SEPTIN12: variants seen among roughly 807,000 people sequenced by gnomAD.
SEPTIN12 encodes the protein septin-12.
SEPTIN12 carries 42 observed loss-of-function variants against 37.7 expected under a neutral mutation model. The ratio of observed to expected loss-of-function variants is 1.11; its 90% CI spans 0.87 to 1.44. The LOEUF (loss-of-function observed/expected upper bound fraction) is 1.44. Ranked by LOEUF, SEPTIN12 falls within the 40% of genes most tolerant of loss-of-function variation. The pLI is 0.00. For missense variants in SEPTIN12, 613 were observed against 479.2 expected (o/e 1.28, Z -2.61); for synonymous variants, 254 against 196.7 (o/e 1.29, Z -2.44).
Position 4,786,015 on chromosome 16 carries a change from G to T in SEPTIN12, c.257C>A (p.Thr86Lys), listed in dbSNP as rs1397104382. 1.2e-6 allele frequency: 2 copies of T among 1,613,742 alleles called. No individual in the cohort carries two copies. The highest frequency in any genetic ancestry group is 2.7e-5 in the African/African-American group (2 of 74,876). Residue 86 changes from threonine (T) to lysine (K), a missense_variant, in exon 3 of 10, where the codon ACA becomes AAA. Thr to Lys is a moderately conservative substitution (Grantham distance 78). Transcript: ENST00000268231. Reference protein sequence around the residue: ...KSNPPGLGVPTPQTLQLHSLT... With the variant: ...KSNPPGLGVPKPQTLQLHSLT... The stretch of plus-strand genomic sequence containing the variant: ...TGAATGCAGCTGCAGCGTCTGGGGT[G>T]TGGGCACCCCCAAGCCCGGTGGGTT...
chr16:4,786,025 C>A lies in SEPTIN12; in HGVS notation c.247G>T (p.Gly83Trp). The stretch of plus-strand genomic sequence containing the variant: ...TGCAGCGTCTGGGGTGTGGGCACCC[C>A]CAAGCCCGGTGGGTTTGACTTCCAC... ...KVWKSNPPGL[G>W]VPTPQTLQLH... The change falls in exon 3 of 10, where the codon GGG (glycine) becomes TGG (tryptophan). Residue 83 changes from glycine (G) to tryptophan (W), a missense_variant. Transcript: ENST00000268231. The A allele has an allele frequency of 6.2e-7, 1 of 1,613,868 alleles. No homozygotes were observed. The highest frequency in any genetic ancestry group is 8.5e-7 in the Non-Finnish European group (1 of 1,179,934).
At chr16:4,787,888 C>T (rs565667715) in intron 1 of SEPTIN12, 56 of 504,752 alleles carry the variant, frequency 1.1e-4, no homozygotes, top group Middle Eastern at 5.4e-4. Context: ...AGAGAGGCTC[C>T]GCTGCCCAAG....
In SEPTIN12 at chr16:4,780,796, T is replaced by G. The variant is rs570544738; in HGVS notation, c.727-1010A>C. ...GACTTCAAGACCAGCCTGGTCAACA[T>G]GGTGAAACCCTGTCTCTAGGAAAAA... On this transcript the variant is annotated intron_variant, in intron 7 of 9. Transcript: ENST00000268231. Among the ~76,000 whole-genome samples, 50 of 152,286 alleles carry G rather than the reference T, an allele frequency of 3.3e-4. 2 individuals are homozygous for G. In the South Asian group the frequency reaches 5.4e-3, roughly 16 times the overall value.
chr16:4,779,160 A>T (rs1300954582), intron 8 of SEPTIN12, among the ~76,000 whole-genome samples: 2 of 152,112 alleles, frequency 1.3e-5, no homozygotes, highest in Non-Finnish European at 2.9e-5. Context: ...ATAAAAAATA[A>T]TAATAATACA....
At chr16:4,787,845 A>G (rs2082484419) in intron 1 of SEPTIN12, 178 bp from the exon 2 acceptor site, 2 of 575,958 alleles carry the variant, frequency 3.5e-6, no homozygotes, top group Non-Finnish European at 3.1e-6. Flanking sequence ...GCCTGTGGGG[A>G]GCTGTTTCTG....
At chr16:4,782,075 C>T (rs989563619) in intron 7 of SEPTIN12, among the ~76,000 whole-genome samples, 9 of 150,526 alleles carry the variant, frequency 6.0e-5, no homozygotes, top group African/African-American at 2.2e-4. Flanking sequence ...CTCAGTCTCC[C>T]CAGTAGCTGG....
At chr16:4,780,583 G>C (rs1248149477) in intron 7 of SEPTIN12, among the ~76,000 whole-genome samples, 2 of 152,182 alleles carry the variant, frequency 1.3e-5, no homozygotes, top group Admixed American at 1.3e-4. Context: ...AACTCCAGTT[G>C]TTTACTTGCT....
chr16:4,786,199 G>T, intron 2 of SEPTIN12, 94 bp from the exon 3 acceptor site: 2 of 1,446,778 alleles, frequency 1.4e-6, no homozygotes, highest in Non-Finnish European at 1.9e-6. Context: ...TTGGAGACAG[G>T]TTCTCACTCT....
At chr16:4,788,393 A>G (rs1158432063), upstream of SEPTIN12, 2 of 152,772 alleles carry the variant, frequency 1.3e-5, no homozygotes, top group Non-Finnish European at 2.9e-5. Context: ...TCTGAGCTCC[A>G]TCTGCACTTG....
At chr16:4,781,606 C>T (rs2082372162) in intron 7 of SEPTIN12, among the ~76,000 whole-genome samples, 1 of 151,840 alleles carries the variant, frequency 6.6e-6, no homozygotes. Context: ...CAAGGTTCCC[C>T]CACGCTGTAG....
rs371733453 is a variant in SEPTIN12, at chr16:4,783,445, G to A, written c.726+17C>T. The A allele has an allele frequency of 6.0e-5, 96 of 1,600,280 alleles. No individual in the cohort carries two copies. Among genetic ancestry groups the A allele is most frequent in the South Asian group, 4.6e-4 (42 of 90,734 alleles). On this transcript the variant is annotated intron_variant, in intron 7 of 9. Coordinates refer to ENST00000268231, the MANE Select transcript of SEPTIN12 (RefSeq NM_144605.5). ...AAGGAAATCACCTCGCCCGCCTCCCGCCCCACAGCCTCTCACCCGTAACTT... is the reference window on the plus strand; with the variant it reads ...AAGGAAATCACCTCGCCCGCCTCCCACCCCACAGCCTCTCACCCGTAACTT...
intron 7 of SEPTIN12, among the ~76,000 whole-genome samples, chr16:4,781,818 A>AT (rs1398329751): frequency 6.7e-6 from 1 of 149,610 alleles, no homozygotes; most frequent in Non-Finnish European, 1.5e-5. Context: ...CTAATTTTGT[A>AT]TTTTTAGGAG....
At chr16:4,780,674 G>C (rs1210905226) in intron 7 of SEPTIN12, among the ~76,000 whole-genome samples, 5 of 152,132 alleles carry the variant, frequency 3.3e-5, no homozygotes, top group African/African-American at 9.7e-5. Context: ...ATCTGTGATG[G>C]GGAGTAATGT....
intron 7 of SEPTIN12, among the ~76,000 whole-genome samples, chr16:4,781,942 C>CCTTTTT (rs1567561341): frequency 1.3e-5 from 1 of 74,754 alleles, no homozygotes; most frequent in Non-Finnish European, 2.6e-5. Context: ...CCGTGCCCGG[C>CCTTTTT]CTTTTTTTTT....
rs376466691 is a variant in SEPTIN12, at chr16:4,782,151, T to C, written c.726+1311A>G. On this transcript the variant is annotated intron_variant, in intron 7 of 9. Transcript: ENST00000268231. ...TTTTAGTAGAGACAGAGTTTCACCA[T>C]GTTAGCCAGGCTGGTCTCGAACCCC... Among the ~76,000 whole-genome samples the C allele has an allele frequency of 3.3e-5, 5 of 151,688 alleles. No homozygotes were observed. The East Asian group carries it at 5.8e-4, about 18-fold the overall frequency.
At chr16:4,787,439 A>G (rs1268436193) in intron 2 of SEPTIN12, 41 bp downstream of exon 2, 3 of 1,594,400 alleles carry the variant, frequency 1.9e-6, no homozygotes, top group Non-Finnish European at 2.6e-6. Context: ...CACGCGTAGC[A>G]CTGTGGGTCT....
At chr16:4,786,812 A>C (rs571419621) in intron 2 of SEPTIN12, among the ~76,000 whole-genome samples, 1 of 152,008 alleles carries the variant, frequency 6.6e-6, no homozygotes, top group South Asian at 2.1e-4. Flanking sequence ...TGCCTGGCTA[A>C]TTTTTAAATT....
chr16:4,784,221 T>C, intron 4 of SEPTIN12, 153 bp from the exon 5 acceptor site: 1 of 732,414 alleles, frequency 1.4e-6, no homozygotes, highest in Admixed American at 2.5e-5. Flanking sequence ...TTTCCCCCAC[T>C]TCCCTGCATC....
rs1054289418 is a variant in SEPTIN12 at position 4,777,765 on chromosome 16, G to A, written c.*32C>T. On this transcript the variant is annotated 3_prime_UTR_variant, in exon 10 of 10. Transcript: ENST00000268231. ...TGTGTTGAGAGCCGCTGGGGACTCA[G>A]GAAGCCCAGCAGCCCCGGGATCCGC... 1 of 1,455,334 alleles carries A rather than the reference G, an allele frequency of 6.9e-7. No individual in the cohort carries two copies. The allele number at this position is 1,455,334 out of a possible 1,614,324, so 90.2% of individuals were successfully genotyped here.
Sources: allele counts gnomAD v4.1 joint callset (sites outside exome capture counted in the v4.1 genomes callset), GRCh38; gene constraint gnomAD v4.1.1; transcripts MANE v1.5; gene names NCBI Gene and HGNC (gene_info 2026-07-23, HGNC 2026-07-21).